PUS7: variants seen among roughly 807,000 people sequenced by gnomAD.
PUS7 encodes pseudouridine synthase 7, also known as pseudouridylate synthase 7 homolog.
In PUS7, 48 loss-of-function variants were observed where a neutral mutation model predicts 79.8. The ratio of observed to expected loss-of-function variants is 0.60; its 90% CI spans 0.48 to 0.76. The LOEUF (loss-of-function observed/expected upper bound fraction) is 0.76, where lower values mean the gene tolerates loss of function less well. Ranked by LOEUF, PUS7 falls within the 30% of genes least tolerant of loss-of-function variation. PUS7 has a pLI of 0.00. For missense variants in PUS7, 729 were observed against 797.6 expected, an observed-to-expected ratio of 0.91 and a Z score of 1.04; for synonymous variants, 286 against 272.2, an observed-to-expected ratio of 1.05 and a Z score of -0.50.
intron 13 of PUS7, among the ~76,000 whole-genome samples, chr7:105,464,843 G>C (rs1248961868): frequency 1.5e-5 from 2 of 137,842 alleles, no homozygotes; most frequent in Non-Finnish European, 1.5e-5. Context: ...TTCTGAGACA[G>C]AGTCTTGCTC....
In PUS7 at chr7:105,490,111, T is replaced by TA. The variant is rs148584351; in HGVS notation, c.920+1428dup. Among the ~76,000 whole-genome samples the TA allele has an allele frequency of 8.7e-3, 826 of 94,688 alleles. 2 individuals are homozygous for TA. The highest frequency in any genetic ancestry group is 0.021 in the African/African-American group (527 of 25,036). 62.1% of individuals were successfully genotyped at this position (94,688 alleles called of 152,430 possible). ...TCTAGCCTGGGTGACACAGCAAGAC[T>TA]AAAAAAAAAAAAAAAAAATCCGAGA... is the stretch of plus-strand genomic sequence containing the variant. On this transcript the variant is annotated intron_variant, in intron 7 of 15. Transcript: ENST00000469408.
At chr7:105,461,760 T>G (rs1413523001) in intron 14 of PUS7, among the ~76,000 whole-genome samples, 1 of 152,236 alleles carries the variant, frequency 6.6e-6, no homozygotes, top group Non-Finnish European at 1.5e-5. Flanking sequence ...TATAGCCTAC[T>G]ACACGCCTTG....
intron 9 of PUS7, among the ~76,000 whole-genome samples, chr7:105,477,462 C>T (rs960822842): frequency 4.6e-5 from 7 of 152,044 alleles, no homozygotes; most frequent in African/African-American, 1.7e-4. Flanking sequence ...GTTGGCCAGG[C>T]TGGTCTTGAA....
chr7:105,480,485 TA>T (rs1269069921), intron 9 of PUS7, among the ~76,000 whole-genome samples: 2 of 148,966 alleles, frequency 1.3e-5, no homozygotes, highest in Non-Finnish European at 3.0e-5. Context: ...AAATAAAAAA[TA>T]AAAAAAATAG....
chr7:105,487,506 C>T (rs1489601223), intron 7 of PUS7, among the ~76,000 whole-genome samples: 2 of 152,144 alleles, frequency 1.3e-5, no homozygotes, highest in African/African-American at 4.8e-5. Flanking sequence ...ACTGGCACAG[C>T]AAAAAGCAAG....
intron 7 of PUS7, among the ~76,000 whole-genome samples, chr7:105,487,360 G>A (rs1164589029): frequency 5.3e-5 from 8 of 152,100 alleles, no homozygotes; most frequent in Non-Finnish European, 1.0e-4. Context: ...GGCCTTGTGC[G>A]CCTGACTTCT....
rs114557685 is a variant in PUS7, at chr7:105,472,663, C to T, written c.1176-470G>A. On this transcript the variant is annotated intron_variant, in intron 9 of 15. Transcript: ENST00000469408. ...TAAAATGGAAAACATAATGCTTACC[C>T]GTAACATTTACTATCATTTCAGTTT... 3.4e-3 allele frequency among the ~76,000 whole-genome samples: 513 copies of T among 152,172 alleles called. 3 individuals are homozygous for T. The highest frequency in any genetic ancestry group is 0.012 in the African/African-American group (485 of 41,510).
At chr7:105,500,101 A>T (rs1441509571) in intron 5 of PUS7, among the ~76,000 whole-genome samples, 1 of 152,174 alleles carries the variant, frequency 6.6e-6, no homozygotes, top group Non-Finnish European at 1.5e-5. Flanking sequence ...CTTTGAAGAA[A>T]TGTCACAACA....
chr7:105,504,404 A>G (rs987318024), intron 4 of PUS7, among the ~76,000 whole-genome samples: 1 of 152,194 alleles, frequency 6.6e-6, no homozygotes, highest in Admixed American at 6.6e-5. Context: ...AAAAAATGAA[A>G]AAAATCCACC....
intron 5 of PUS7, among the ~76,000 whole-genome samples, chr7:105,500,443 C>A (rs1044952440): frequency 3.9e-5 from 6 of 152,160 alleles, no homozygotes; most frequent in African/African-American, 1.4e-4. Context: ...ATGCCCTCCA[C>A]CCTCTCACAA....
intron 9 of PUS7, among the ~76,000 whole-genome samples, chr7:105,474,186 T>A (rs1392415633): frequency 6.6e-6 from 1 of 152,210 alleles, no homozygotes; most frequent in Non-Finnish European, 1.5e-5. Context: ...AGTTACACAA[T>A]ACTGGGCATT....
At chr7:105,502,717 T>A (rs1298360864) in intron 4 of PUS7, among the ~76,000 whole-genome samples, 153 bp from the exon 5 acceptor site, 1 of 152,224 alleles carries the variant, frequency 6.6e-6, no homozygotes, top group East Asian at 1.9e-4. Flanking sequence ...TATTTTTATT[T>A]TTTTGACAGT....
At chr7:105,459,313 CT>C in intron 14 of PUS7, 54 bp from the exon 15 acceptor site, 1 of 1,087,466 alleles carries the variant, frequency 9.2e-7, no homozygotes, top group Non-Finnish European at 1.4e-6. Context: ...ATAAAAGGTA[CT>C]AAGCCACTCA....
At chr7:105,512,143 T>C (rs1825727134) in intron 1 of PUS7, among the ~76,000 whole-genome samples, 1 of 22,988 alleles carries the variant, frequency 4.4e-5, no homozygotes. Flanking sequence ...AGATTCTGTC[T>C]CAAAAAAAAA....
Position 105,506,017 on chromosome 7 carries a change from C to G in PUS7, c.523G>C (p.Glu175Gln), listed in dbSNP as rs762316132. The change falls in exon 4 of 16, where the codon GAA becomes CAA. Residue 175 changes from glutamate to glutamine, a missense_variant. Transcript: ENST00000469408. Reference sequence around the variant, plus strand: ...TGGAGCTCTTCCAATCGCTGCTTTTCTTCAGCTGTCAAAACTGTAAATATG... The same window carrying G: ...TGGAGCTCTTCCAATCGCTGCTTTTGTTCAGCTGTCAAAACTGTAAATATG... ...EDIFTVLTAE[E>Q]KQRLEELQLF... is the part of the protein sequence containing the mutation. 6.2e-7 allele frequency: 1 copy of G among 1,613,930 alleles called. No individual in the cohort carries two copies. The highest frequency in any genetic ancestry group is 1.1e-5 in the South Asian group (1 of 91,040).
At position 105,456,953 on chromosome 7, in the gene PUS7, A is replaced by AC. The variant is rs1399854598; in HGVS notation, c.*836dup. ...GAGTTAGCCTCGGCAACATGGCCAA[A>AC]CCCCCGTCTCTACAAAAAAATACAA... On this transcript the variant is annotated 3_prime_UTR_variant, in exon 16 of 16. Transcript: ENST00000469408. 27 of 152,206 alleles carry AC rather than the reference A, an allele frequency of 1.8e-4. No individual in the cohort carries two copies. The highest frequency in any genetic ancestry group is 8.5e-4 in the Admixed American group (13 of 15,274). 9.4% of individuals were successfully genotyped at this position (152,206 alleles called of 1,614,324 possible). A position where few individuals can be genotyped will look rare whatever the true frequency, so the allele number is the denominator to read the frequency against.
chr7:105,520,046 G>A (rs895222655), intron 1 of PUS7, among the ~76,000 whole-genome samples: 1 of 152,202 alleles, frequency 6.6e-6, no homozygotes. Context: ...GTTCAAGGCC[G>A]GGTGTGATGG....
At chr7:105,513,037 G>C (rs1207265022) in intron 1 of PUS7, among the ~76,000 whole-genome samples, 1 of 152,194 alleles carries the variant, frequency 6.6e-6, no homozygotes, top group Non-Finnish European at 1.5e-5. Context: ...AGAAAGAAGA[G>C]CAGGTGTTGG....
At chr7:105,470,573 A>G in intron 11 of PUS7, 115 bp downstream of exon 11, 1 of 1,238,806 alleles carries the variant, frequency 8.1e-7, no homozygotes, top group Non-Finnish European at 1.1e-6. Flanking sequence ...AGAGATCACC[A>G]AAGGATCCTT....
Sources: gnomAD v4.1 joint callset for allele counts (sites outside exome capture counted in the v4.1 genomes callset) on GRCh38, gnomAD v4.1.1 for gene constraint, MANE v1.5 for transcripts, NCBI Gene and HGNC (gene_info 2026-07-23, HGNC 2026-07-21) for gene names.